PRTFDC1: variants seen among roughly 807,000 people sequenced by gnomAD.
PRTFDC1 encodes the protein phosphoribosyltransferase domain-containing protein 1.
A neutral mutation model predicts 34.6 loss-of-function variants in PRTFDC1; 38 were observed. The observed-to-expected ratio is 1.10, with a 90% CI of 0.85 to 1.44. The LOEUF (loss-of-function observed/expected upper bound fraction) is 1.44. Ranked by LOEUF, PRTFDC1 falls within the 40% of genes most tolerant of loss-of-function variation. The pLI, the probability that PRTFDC1 is intolerant of heterozygous loss-of-function variation, is 0.00. For missense variants in PRTFDC1, 270 were observed against 283.0 expected (o/e 0.95, Z 0.33); for synonymous variants, 93 against 98.1 (o/e 0.95, Z 0.31).
intron 3 of PRTFDC1, among the ~76,000 whole-genome samples, chr10:24,930,758 C>T (rs1381508504): frequency 6.6e-6 from 1 of 152,034 alleles, no homozygotes. Context: ...TATAATAAGG[C>T]TGCCTGTTTC....
intron 4 of PRTFDC1, 143 bp from the exon 5 acceptor site, chr10:24,858,552 G>A: frequency 1.3e-6 from 1 of 760,832 alleles, no homozygotes; most frequent in Non-Finnish European, 2.1e-6. Flanking sequence ...GACTAGAGGT[G>A]ATCTAGGTTT....
chr10:24,882,962 G>A (rs1471167356), intron 3 of PRTFDC1, among the ~76,000 whole-genome samples: 2 of 150,500 alleles, frequency 1.3e-5, no homozygotes, highest in African/African-American at 4.9e-5. Flanking sequence ...CAGTTTTCAA[G>A]TGAAACTAGC....
rs2132511459 is a variant in PRTFDC1, at chr10:24,871,855, C to T, written c.405+143G>A. 1.4e-5 allele frequency: 9 copies of T among 643,012 alleles called. No homozygotes were observed. The South Asian group carries it at 1.7e-4, about 12-fold the overall frequency. The allele number at this position is 643,012 out of a possible 1,614,324, so 39.8% of individuals were successfully genotyped here. A position where few individuals can be genotyped will look rare whatever the true frequency, so the allele number is the denominator to read the frequency against. On this transcript the variant is annotated intron_variant, in intron 4 of 8. Coordinates refer to ENST00000320152, the MANE Select transcript of PRTFDC1 (RefSeq NM_020200.7). Reference sequence around the variant, plus strand: ...AAAGAATGTTTTAGAAAGGGGAGATCATTAAAAGGATTCACGCAGCCATTT... The same window carrying T: ...AAAGAATGTTTTAGAAAGGGGAGATTATTAAAAGGATTCACGCAGCCATTT...
chr10:24,915,710 C>G (rs1401642041), intron 3 of PRTFDC1, among the ~76,000 whole-genome samples: 1 of 152,190 alleles, frequency 6.6e-6, no homozygotes, highest in Non-Finnish European at 1.5e-5. Context: ...CTGATTAGCC[C>G]TTGCTTCACT....
intron 3 of PRTFDC1, among the ~76,000 whole-genome samples, chr10:24,879,990 A>G (rs1848037395): frequency 6.6e-6 from 1 of 152,188 alleles, no homozygotes; most frequent in Non-Finnish European, 1.5e-5. Context: ...TCACGAATTC[A>G]GGGACCAGGC....
chr10:24,941,498 A>G (rs1849157353), intron 2 of PRTFDC1, among the ~76,000 whole-genome samples: 1 of 151,992 alleles, frequency 6.6e-6, no homozygotes, highest in African/African-American at 2.4e-5. Context: ...TGCATGCCAT[A>G]GCCCCTGGCT....
chr10:24,927,519 T>G lies in PRTFDC1; in HGVS notation c.339+9665A>C, dbSNP rs116177304. 6.4e-3 allele frequency among the ~76,000 whole-genome samples: 978 copies of G among 152,136 alleles called. 4 individuals carry two copies. The highest frequency in any genetic ancestry group is 0.022 in the African/African-American group (910 of 41,492). ...TAGACACTAACATGGAAAAAATCTG[T>G]AGCTTCAAAGGAAATACCCAACTGT... On this transcript the variant is annotated intron_variant, in intron 3 of 8. Transcript: ENST00000320152.
At chr10:24,882,891 T>C (rs1213979403) in intron 3 of PRTFDC1, among the ~76,000 whole-genome samples, 2 of 151,612 alleles carry the variant, frequency 1.3e-5, no homozygotes, top group South Asian at 2.1e-4. Context: ...ACCGAAAATA[T>C]AAAAATATGA....
chr10:24,934,248 G>GAGAAGA (rs200367106), intron 3 of PRTFDC1, among the ~76,000 whole-genome samples: 5 of 97,238 alleles, frequency 5.1e-5, no homozygotes, highest in Admixed American at 9.3e-5. Flanking sequence ...GAAGAAGAAG[G>GAGAAGA]AGAAGAAGAA....
chr10:24,947,900 C>G (rs1217590014), intron 1 of PRTFDC1, among the ~76,000 whole-genome samples: 1 of 152,048 alleles, frequency 6.6e-6, no homozygotes, highest in East Asian at 1.9e-4. Context: ...AAGGGCCCCA[C>G]CTCACAACCA....
rs1194614944 is a variant in PRTFDC1 at position 24,857,014 on chromosome 10, T to A, written c.424-19A>T. 1 of 1,585,744 alleles carries A rather than the reference T, an allele frequency of 6.3e-7. No individual in the cohort carries two copies. Among genetic ancestry groups the A allele is most frequent in the African/African-American group, 1.3e-5 (1 of 74,322 alleles). On this transcript the variant is annotated intron_variant, in intron 5 of 8. Transcript: ENST00000320152. Reference sequence around the variant, plus strand: ...CAACATCCTTTGCAAAAAGGACAGATAAATTCAACAAAATGCATTTGAGCA... The same window carrying A: ...CAACATCCTTTGCAAAAAGGACAGAAAAATTCAACAAAATGCATTTGAGCA...
chr10:24,880,820 T>G (rs1848057899), intron 3 of PRTFDC1, among the ~76,000 whole-genome samples: 2 of 89,408 alleles, frequency 2.2e-5, no homozygotes, highest in African/African-American at 1.1e-4. Flanking sequence ...TTTCTCTTTC[T>G]TTCTTTCTTT....
At chr10:24,885,210 A>G (rs1848145874) in intron 3 of PRTFDC1, among the ~76,000 whole-genome samples, 1 of 152,218 alleles carries the variant, frequency 6.6e-6, no homozygotes, top group African/African-American at 2.4e-5. Context: ...GGACCCATAA[A>G]TGTTAGGGGC....
intron 3 of PRTFDC1, among the ~76,000 whole-genome samples, chr10:24,917,515 A>G (rs1438594047): frequency 1.3e-5 from 2 of 151,994 alleles, no homozygotes; most frequent in Non-Finnish European, 2.9e-5. Flanking sequence ...TAATATTTTG[A>G]TGTTTTCTTC....
intron 3 of PRTFDC1, among the ~76,000 whole-genome samples, chr10:24,877,408 C>T (rs139438066): frequency 7.9e-5 from 12 of 152,208 alleles, no homozygotes; most frequent in Admixed American, 2.0e-4. Flanking sequence ...TTTTAATGAA[C>T]GTCGCTGGTT....
At chr10:24,923,008 G>A (rs1253533535) in intron 3 of PRTFDC1, among the ~76,000 whole-genome samples, 1 of 152,212 alleles carries the variant, frequency 6.6e-6, no homozygotes, top group Admixed American at 6.5e-5. Context: ...TCTGTGCCTG[G>A]CTCAGCAGTC....
At chr10:24,884,077 C>T (rs978629046) in intron 3 of PRTFDC1, among the ~76,000 whole-genome samples, 1 of 151,728 alleles carries the variant, frequency 6.6e-6, no homozygotes, top group Non-Finnish European at 1.5e-5. Flanking sequence ...GGTGATCCAC[C>T]TGCCTCGGCC....
At chr10:24,906,078 G>A (rs1848530312) in intron 3 of PRTFDC1, among the ~76,000 whole-genome samples, 2 of 152,144 alleles carry the variant, frequency 1.3e-5, no homozygotes, top group South Asian at 4.1e-4. Context: ...ATGATAGGAT[G>A]TCCAGGCTGT....
At chr10:24,877,899 G>A (rs7394259) in intron 3 of PRTFDC1, among the ~76,000 whole-genome samples, 18,517 of 152,094 alleles carry the variant, frequency 0.12, 1,413 homozygotes, top group South Asian at 0.22. Flanking sequence ...GGGATTACAT[G>A]CATGAGCCAC....
Sources: allele counts gnomAD v4.1 joint callset (sites outside exome capture counted in the v4.1 genomes callset), GRCh38; gene constraint gnomAD v4.1.1; transcripts MANE v1.5; gene names NCBI Gene and HGNC (gene_info 2026-07-23, HGNC 2026-07-21).